Variants in FBXO15 observed in about 807,000 individuals in gnomAD.
FBXO15 encodes F-box only protein 15.
In FBXO15, 30 loss-of-function variants were observed where a neutral mutation model predicts 49.5. The ratio of observed to expected loss-of-function variants is 0.61; its 90% CI spans 0.45 to 0.82. The LOEUF is 0.82. Among genes scored for constraint, FBXO15 ranks in the 40% least tolerant of loss-of-function variants. The probability of loss-of-function intolerance (pLI) is 0.00; values close to 1 mark genes in which losing one functional copy is unlikely to be tolerated. For missense variants in FBXO15, 591 were observed against 631.5 expected (o/e 0.94, Z 0.69); for synonymous variants, 250 against 232.7 (o/e 1.07, Z -0.68).
At position 74,075,871 on chromosome 18, in the gene FBXO15, T is replaced by C. The variant is rs561874791; in HGVS notation, c.1264-2141A>G. ...TCTCTCCCCATAAATGGAACTCATC[T>C]ACATTCACATCCTAAGTTATCACCA... On this transcript the variant is annotated intron_variant, in intron 9 of 9. Coordinates refer to ENST00000419743, the MANE Select transcript of FBXO15 (RefSeq NM_001142958.2). The surrounding 1 kb of genome is among the most constrained non-coding windows in gnomAD (Gnocchi z 4.1). 3.0e-4 allele frequency among the ~76,000 whole-genome samples: 46 copies of C among 152,334 alleles called. No individual in the cohort carries two copies. Among genetic ancestry groups the C allele is most frequent in the African/African-American group, 1.0e-3 (42 of 41,586 alleles).
chr18:74,124,395 C>T (rs1239333199), intron 7 of FBXO15, 94 bp downstream of exon 7: 3 of 992,728 alleles, frequency 3.0e-6, no homozygotes. Context: ...CAGAATATCT[C>T]TGCAGCTATT....
At chr18:74,109,969 A>G (rs1244367303) in intron 8 of FBXO15, among the ~76,000 whole-genome samples, 1 of 152,014 alleles carries the variant, frequency 6.6e-6, no homozygotes, top group African/African-American at 2.4e-5. Flanking sequence ...CCTAGAACTT[A>G]AAGTATAATA....
chr18:74,139,464 C>T (rs1484736615), intron 2 of FBXO15, among the ~76,000 whole-genome samples: 2 of 152,202 alleles, frequency 1.3e-5, no homozygotes, highest in African/African-American at 4.8e-5. Context: ...AATGAAATAT[C>T]CTTTCTGGCT....
intron 2 of FBXO15, 46 bp from the exon 3 acceptor site, chr18:74,135,912 G>A (rs746235366): frequency 2.0e-6 from 3 of 1,482,824 alleles, no homozygotes; most frequent in Non-Finnish European, 2.8e-6. Flanking sequence ...AGTGGACCAG[G>A]GCTTAATCTG....
intron 8 of FBXO15, among the ~76,000 whole-genome samples, chr18:74,091,686 T>A (rs1456389182): frequency 2.6e-5 from 4 of 152,226 alleles, no homozygotes; most frequent in Non-Finnish European, 5.9e-5. Context: ...TTGAAAATTA[T>A]TTTCTTCAAG....
chr18:74,087,808 T>C lies in FBXO15; in HGVS notation c.1139-5757A>G, dbSNP rs143738461. 2.6e-5 allele frequency among the ~76,000 whole-genome samples: 4 copies of C among 152,354 alleles called. No individual in the cohort carries two copies. In the East Asian group the frequency reaches 7.7e-4, roughly 29 times the overall value. ...TTGCCAAACTGCTTTCCACAATGGC[T>C]GAACTAATTTACATTCACACCAGCA... On this transcript the variant is annotated intron_variant, in intron 8 of 9. Transcript: ENST00000419743.
At position 74,075,777 on chromosome 18, in the gene FBXO15, G is replaced by A. The variant is rs1477742113; in HGVS notation, c.1264-2047C>T. On this transcript the variant is annotated intron_variant, in intron 9 of 9. Transcript: ENST00000419743. The surrounding 1 kb of genome is among the most constrained non-coding windows in gnomAD (Gnocchi z 4.1). ...GCATCCAGAACCCACAAGCCCTGCA[G>A]CTCTCTACCCACTCCCATTGCTGAG... 1.3e-5 allele frequency among the ~76,000 whole-genome samples: 2 copies of A among 152,154 alleles called. No individual in the cohort carries two copies. Among genetic ancestry groups the A allele is most frequent in the Non-Finnish European group, 2.9e-5 (2 of 68,026 alleles).
At chr18:74,139,135 C>T (rs747060445) in intron 2 of FBXO15, among the ~76,000 whole-genome samples, 6 of 152,138 alleles carry the variant, frequency 3.9e-5, no homozygotes, top group South Asian at 2.1e-4. Flanking sequence ...ATCTTAAATG[C>T]GCCTCCTGAA....
chr18:74,111,339 G>C (rs1914024932), intron 8 of FBXO15, among the ~76,000 whole-genome samples: 1 of 150,848 alleles, frequency 6.6e-6, no homozygotes, highest in Admixed American at 6.6e-5. Flanking sequence ...TACAACGTCT[G>C]CAAACTGATA....
intron 8 of FBXO15, among the ~76,000 whole-genome samples, chr18:74,106,960 A>G (rs538960751): frequency 6.6e-6 from 1 of 152,282 alleles, no homozygotes; most frequent in East Asian, 1.9e-4. Flanking sequence ...TTAAAAGGAA[A>G]AAGAATGTAA....
At chr18:74,104,889 A>G (rs562508286) in intron 8 of FBXO15, among the ~76,000 whole-genome samples, 30 of 152,344 alleles carry the variant, frequency 2.0e-4, no homozygotes, top group Admixed American at 8.5e-4. Flanking sequence ...ACTATTCACA[A>G]TAACTAAAAT....
At chr18:74,078,882 C>A (rs1022434483) in intron 9 of FBXO15, among the ~76,000 whole-genome samples, 4 of 152,108 alleles carry the variant, frequency 2.6e-5, no homozygotes, top group African/African-American at 9.7e-5. Flanking sequence ...GTTCTTCCTG[C>A]GATTTTCGGT....
chr18:74,095,967 C>A (rs1913253082), intron 8 of FBXO15, among the ~76,000 whole-genome samples: 1 of 152,124 alleles, frequency 6.6e-6, no homozygotes, highest in African/African-American at 2.4e-5. Flanking sequence ...AGACCCTGAG[C>A]AGATGGTGAT....
chr18:74,077,532 G>A (rs1912304007), intron 9 of FBXO15, among the ~76,000 whole-genome samples: 1 of 152,176 alleles, frequency 6.6e-6, no homozygotes, highest in African/African-American at 2.4e-5. Flanking sequence ...TGGAACAGCA[G>A]CGACCAGCCC....
At position 74,130,572 on chromosome 18, in the gene FBXO15, G is replaced by A. The variant is rs185669152; in HGVS notation, c.419C>T (p.Ser140Phe). The change falls in exon 4 of 10, where the codon TCT becomes TTT. Residue 140 changes from serine (S) to phenylalanine (F), a missense_variant. By Grantham distance (155) the Ser-to-Phe change is radical. Transcript: ENST00000419743. ...KFNSVEKIAM[S>F]MSFLSVQDKE... ...ATCCTGAACTGACAGAAAGCTCATA[G>A]ACATAGCTATCTTCTCTACTGAATT... 198 of 1,614,102 alleles carry A rather than the reference G, an allele frequency of 1.2e-4. 1 individual carries two copies. In the Middle Eastern group the frequency reaches 1.3e-3, roughly 11 times the overall value.
intron 8 of FBXO15, among the ~76,000 whole-genome samples, chr18:74,088,764 A>G (rs1912870272): frequency 1.3e-5 from 2 of 152,198 alleles, no homozygotes; most frequent in Non-Finnish European, 2.9e-5. Context: ...GTTTGATAGG[A>G]ATAACACTGA....
chr18:74,147,380 C>A (rs1365939665), intron 1 of FBXO15, among the ~76,000 whole-genome samples: 1 of 152,138 alleles, frequency 6.6e-6, no homozygotes, highest in Admixed American at 6.5e-5. Context: ...CCCGGAGAAA[C>A]GACCTCTTGG....
rs142562723 is a variant in FBXO15, at chr18:74,140,075, G to T, written c.227+127C>A. On this transcript the variant is annotated intron_variant, in intron 2 of 9. Coordinates refer to ENST00000419743, the MANE Select transcript of FBXO15 (RefSeq NM_001142958.2). ...CTCATCAAATGCTCCATGCTGTACT[G>T]TCTTCCTACACAATCCTATTCTTAG... The T allele has an allele frequency of 2.9e-5, 19 of 666,408 alleles. No individual in the cohort carries two copies. In the African/African-American group the frequency reaches 2.9e-4, roughly 10 times the overall value. 41.3% of individuals were successfully genotyped at this position (666,408 alleles called of 1,614,324 possible). A position where few individuals can be genotyped will look rare whatever the true frequency, so the allele number is the denominator to read the frequency against.
At chr18:74,098,726 T>C (rs576395365) in intron 8 of FBXO15, 1 of 152,344 alleles carries the variant, frequency 6.6e-6, no homozygotes, top group South Asian at 2.1e-4. Context: ...TCACTGGCCT[T>C]GCTAGAGACC....
Sources: gnomAD v4.1 joint callset for allele counts (sites outside exome capture counted in the v4.1 genomes callset) on GRCh38, gnomAD v4.1.1 for gene constraint, Gnocchi (gnomAD v3.1) non-coding constraint, MANE v1.5 for transcripts, NCBI Gene and HGNC (gene_info 2026-07-23, HGNC 2026-07-21) for gene names.